GLI2: variants seen among roughly 807,000 people sequenced by gnomAD.
GLI2 encodes GLI family zinc finger 2, also known as transcription activator GLI2.
Under a neutral mutation model 78.9 loss-of-function variants are expected in GLI2, and 22 were observed. The observed-to-expected ratio is 0.28, with a 90% CI of 0.20 to 0.40. The LOEUF (loss-of-function observed/expected upper bound fraction) is 0.40. Ranked by LOEUF, GLI2 falls within the 10% of genes least tolerant of loss-of-function variation. The pLI is 1.00. For synonymous variants in GLI2, 974 were observed against 963.7 expected (o/e 1.01, Z -0.20); for missense variants, 2,097 against 2,213.2 (o/e 0.95, Z 1.05).
chr2:120,738,705 A>G (rs1682440790), intron 1 of GLI2, among the ~76,000 whole-genome samples: 2 of 152,158 alleles, frequency 1.3e-5, no homozygotes, highest in Admixed American at 1.3e-4. Flanking sequence ...ATGATAGTAG[A>G]AAGAGCCTCC....
At position 120,989,275 on chromosome 2, in the gene GLI2, G is replaced by A. The variant is rs368122191; in HGVS notation, c.3310G>A (p.Ala1104Thr). 7.4e-6 allele frequency: 12 copies of A among 1,612,976 alleles called. No homozygotes were observed. Among genetic ancestry groups the A allele is most frequent in the Admixed American group, 1.7e-5 (1 of 60,002 alleles). ...TGCGGACTCCAACGTGGGCCCCTCC[G>A]CCCCTATGCTGGGAGGATGCCAGTT... is the stretch of plus-strand genomic sequence containing the variant. ...VAADSNVGPS[A>T]PMLGGCQLGF... The change falls in exon 14 of 14, where the codon GCC (alanine) becomes ACC (threonine). Residue 1104 changes from alanine (A) to threonine (T), a missense_variant. Transcript: ENST00000361492.
chr2:120,793,463 G>T (rs945523278), intron 1 of GLI2, among the ~76,000 whole-genome samples: 1 of 152,208 alleles, frequency 6.6e-6, no homozygotes, highest in Non-Finnish European at 1.5e-5. Flanking sequence ...CGCTTTGGCT[G>T]CAGGGCTTGA....
chr2:120,775,769 G>A (rs1271778181), intron 1 of GLI2, among the ~76,000 whole-genome samples: 3 of 152,228 alleles, frequency 2.0e-5, no homozygotes, highest in African/African-American at 4.8e-5. Context: ...TGCTGTCAGA[G>A]CTTCCTCACC....
intron 10 of GLI2, among the ~76,000 whole-genome samples, chr2:120,979,129 C>T (rs1682600207): frequency 6.6e-6 from 1 of 152,112 alleles, no homozygotes; most frequent in African/African-American, 2.4e-5. Context: ...AGGTACATGC[C>T]ACCAACCCAG....
chr2:120,806,444 C>T (rs879341287), intron 2 of GLI2, among the ~76,000 whole-genome samples: 6 of 145,676 alleles, frequency 4.1e-5, no homozygotes, highest in Non-Finnish European at 7.6e-5. Flanking sequence ...TAGGGCTTCA[C>T]GGGGGAGGCA....
intron 2 of GLI2, among the ~76,000 whole-genome samples, chr2:120,913,839 G>A (rs1264273764): frequency 6.6e-6 from 1 of 152,226 alleles, no homozygotes; most frequent in African/African-American, 2.4e-5. Flanking sequence ...GAATAAAGAG[G>A]TGCCTTGGCT....
intron 2 of GLI2, among the ~76,000 whole-genome samples, chr2:120,877,049 G>A (rs1345365430): frequency 2.0e-5 from 3 of 152,210 alleles, no homozygotes; most frequent in Non-Finnish European, 2.9e-5. Flanking sequence ...TGGGAGGAGC[G>A]GGGCCTCGGC....
At chr2:120,911,646 A>T (rs1573585341) in intron 2 of GLI2, among the ~76,000 whole-genome samples, 1 of 151,556 alleles carries the variant, frequency 6.6e-6, no homozygotes, top group Non-Finnish European at 1.5e-5. Context: ...CATACTCCTC[A>T]CCTCCTCCAT....
At chr2:120,910,906 G>A (rs1375385229) in intron 2 of GLI2, among the ~76,000 whole-genome samples, 1 of 152,254 alleles carries the variant, frequency 6.6e-6, no homozygotes, top group African/African-American at 2.4e-5. Context: ...CGAATGAAGT[G>A]AAAATACCAA....
intron 2 of GLI2, among the ~76,000 whole-genome samples, chr2:120,926,043 A>AG (rs1679649737): frequency 8.1e-6 from 1 of 123,498 alleles, no homozygotes; most frequent in African/African-American, 3.0e-5. Context: ...ACTGCACTCC[A>AG]GCCTGGGTGA....
rs536410029 is a variant in GLI2, at chr2:120,737,412, C to T, written c.-31+1127C>T. ...CGCTGAGGCTCTCGGGGACCTCGAG[C>T]CCCCCCGAGGGTGCCTCTTTCCACT... On this transcript the variant is annotated intron_variant, in intron 1 of 13. Transcript: ENST00000361492. This position sits in a 1 kb window ranked among gnomAD's most constrained non-coding sequence, Gnocchi z 4.3. Among the ~76,000 whole-genome samples, 2 of 152,228 alleles carry T rather than the reference C, an allele frequency of 1.3e-5. No individual in the cohort carries two copies. The highest frequency in any genetic ancestry group is 2.4e-5 in the African/African-American group (1 of 41,544).
intron 2 of GLI2, among the ~76,000 whole-genome samples, chr2:120,805,031 G>A (rs1243606870): frequency 2.0e-5 from 3 of 152,214 alleles, no homozygotes; most frequent in African/African-American, 7.2e-5. Context: ...GGAACTAAGC[G>A]AGACAAGGTC....
intron 2 of GLI2, among the ~76,000 whole-genome samples, chr2:120,829,002 C>G (rs985713542): frequency 3.9e-5 from 6 of 152,180 alleles, no homozygotes; most frequent in Non-Finnish European, 7.3e-5. Flanking sequence ...CTGACACACT[C>G]TGTCACCCAA....
intron 2 of GLI2, among the ~76,000 whole-genome samples, chr2:120,802,096 T>G (rs1421997767): frequency 2.0e-5 from 3 of 152,160 alleles, no homozygotes; most frequent in African/African-American, 7.2e-5. Context: ...AACAGCCAGT[T>G]ATTTGAGGTC....
At chr2:120,828,629 C>T (rs1686199811) in intron 2 of GLI2, among the ~76,000 whole-genome samples, 1 of 152,128 alleles carries the variant, frequency 6.6e-6, no homozygotes, top group Non-Finnish European at 1.5e-5. Context: ...CGTTTCTCCT[C>T]CAGTTCAGTG....
intron 2 of GLI2, among the ~76,000 whole-genome samples, chr2:120,860,352 T>G (rs779561656): frequency 7.2e-5 from 11 of 152,168 alleles, no homozygotes; most frequent in African/African-American, 1.2e-4. Flanking sequence ...ACCCTGGGCT[T>G]CTTCATCTGC....
chr2:120,808,877 G>A (rs113198039), intron 2 of GLI2, among the ~76,000 whole-genome samples: 6 of 152,262 alleles, frequency 3.9e-5, no homozygotes, highest in Admixed American at 1.3e-4. Flanking sequence ...ACCTGAGGCC[G>A]TTTGTGTCTT....
chr2:120,891,727 T>C (rs1353533693), intron 2 of GLI2, among the ~76,000 whole-genome samples: 1 of 152,144 alleles, frequency 6.6e-6, no homozygotes, highest in African/African-American at 2.4e-5. Flanking sequence ...GCACCACACA[T>C]GCTTTCTTTA....
intron 2 of GLI2, among the ~76,000 whole-genome samples, chr2:120,849,788 G>A (rs974772736): frequency 6.6e-6 from 1 of 152,174 alleles, no homozygotes; most frequent in African/African-American, 2.4e-5. Flanking sequence ...CCAAAGCAGC[G>A]GAATTCAGGA....
Sources: gnomAD v4.1 joint callset for allele counts (sites outside exome capture counted in the v4.1 genomes callset) on GRCh38, gnomAD v4.1.1 for gene constraint, Gnocchi (gnomAD v3.1) non-coding constraint, MANE v1.5 for transcripts, NCBI Gene and HGNC (gene_info 2026-07-23, HGNC 2026-07-21) for gene names.